RBBP8NL: variants seen among roughly 807,000 people sequenced by gnomAD.
RBBP8NL encodes the protein RBBP8 N-terminal-like protein.
A neutral mutation model predicts 62.2 loss-of-function variants in RBBP8NL; 59 were observed. The ratio of observed to expected loss-of-function variants is 0.95; its 90% confidence interval spans 0.77 to 1.18. The LOEUF (loss-of-function observed/expected upper bound fraction) is 1.18. Among genes scored for constraint, RBBP8NL ranks in the 50% most tolerant of loss-of-function variants. The pLI is 0.00. For synonymous variants in RBBP8NL, 412 were observed against 394.1 expected, an observed-to-expected ratio of 1.05 and a Z score of -0.54; for missense variants, 896 against 899.5, an observed-to-expected ratio of 1.00 and a Z score of 0.05.
intron 4 of RBBP8NL, 58 bp downstream of exon 4, chr20:62,417,166 C>A: frequency 1.5e-6 from 2 of 1,318,598 alleles, no homozygotes; most frequent in Non-Finnish European, 2.1e-6. Context: ...CCTGTCACCT[C>A]CTCCTCTCCT....
Position 62,412,766 on chromosome 20 carries a change from G to A in RBBP8NL, c.1747-13C>T. 1 of 1,612,850 alleles carries A rather than the reference G, an allele frequency of 6.2e-7. No individual in the cohort carries two copies. The highest frequency in any genetic ancestry group is 8.5e-7 in the Non-Finnish European group (1 of 1,179,994). On this transcript the variant is annotated splice_polypyrimidine_tract_variant and intron_variant, in intron 12 of 13. Coordinates refer to ENST00000252998, the MANE Select transcript of RBBP8NL (RefSeq NM_080833.3). Reference sequence around the variant, plus strand: ...AGCTCAGGCCCACCTGGGGAGAAGGGGGTGTGGTCACGAGGAGGACTGCCT... The same window carrying A: ...AGCTCAGGCCCACCTGGGGAGAAGGAGGTGTGGTCACGAGGAGGACTGCCT...
intron 2 of RBBP8NL, among the ~76,000 whole-genome samples, chr20:62,418,994 T>C (rs1415193634): frequency 6.6e-6 from 1 of 152,006 alleles, no homozygotes; most frequent in Non-Finnish European, 1.5e-5. Context: ...GGGGAGGTGC[T>C]GGCCCTGGGA....
intron 1 of RBBP8NL, among the ~76,000 whole-genome samples, chr20:62,423,777 G>A (rs750781319): frequency 4.6e-5 from 7 of 152,300 alleles, no homozygotes; most frequent in Non-Finnish European, 2.9e-5. Flanking sequence ...GGAGAGCTCC[G>A]GGGAAGGGAT....
chr20:62,417,647 T>C (rs1988605131), intron 3 of RBBP8NL, among the ~76,000 whole-genome samples: 1 of 97,010 alleles, frequency 1.0e-5, no homozygotes, highest in African/African-American at 4.5e-5. Context: ...CTCTGTGACG[T>C]CTGTCCCGTC....
At chr20:62,418,105 C>T (rs544676218) in intron 3 of RBBP8NL, among the ~76,000 whole-genome samples, 133 of 152,350 alleles carry the variant, frequency 8.7e-4, no homozygotes, top group Non-Finnish European at 1.4e-3. Flanking sequence ...CCTGCCCGCC[C>T]GCCAGTGTCT....
intron 1 of RBBP8NL, among the ~76,000 whole-genome samples, chr20:62,426,115 G>A (rs990655228): frequency 1.3e-5 from 2 of 151,940 alleles, no homozygotes; most frequent in African/African-American, 4.8e-5. Context: ...AGTGGCAGTG[G>A]CATTAGCAGT....
intron 10 of RBBP8NL, 56 bp from the exon 11 acceptor site, chr20:62,413,601 A>C (rs1036621014): frequency 2.7e-6 from 4 of 1,493,584 alleles, no homozygotes; most frequent in Non-Finnish European, 3.6e-6. Flanking sequence ...CTTGCCGCCA[A>C]CTCAGCCCTG....
chr20:62,415,709 G>A, intron 7 of RBBP8NL, 49 bp from the exon 8 acceptor site: 1 of 1,609,772 alleles, frequency 6.2e-7, no homozygotes, highest in Non-Finnish European at 8.5e-7. Flanking sequence ...GCTCAGAGGG[G>A]CAGCGGCCCA....
At chr20:62,413,599 C>T in intron 10 of RBBP8NL, 54 bp from the exon 11 acceptor site, 1 of 1,492,542 alleles carries the variant, frequency 6.7e-7, no homozygotes. Context: ...TCCTTGCCGC[C>T]AACTCAGCCC....
chr20:62,419,006 T>A (rs1333312302), intron 2 of RBBP8NL, among the ~76,000 whole-genome samples: 1 of 151,894 alleles, frequency 6.6e-6, no homozygotes, highest in East Asian at 1.9e-4. Flanking sequence ...GCCCTGGGAC[T>A]GGACTGGGGG....
At chr20:62,420,745 G>T (rs900025270) in intron 1 of RBBP8NL, among the ~76,000 whole-genome samples, 2 of 152,234 alleles carry the variant, frequency 1.3e-5, no homozygotes, top group African/African-American at 4.8e-5. Context: ...ATGCTGGAAG[G>T]TTCCAGGAAG....
Position 62,413,792 on chromosome 20 carries a change from C to T in RBBP8NL, c.1530+29G>A, listed in dbSNP as rs540691132. The T allele has an allele frequency of 4.6e-4, 719 of 1,559,624 alleles. 14 individuals carry two copies. The South Asian group carries it at 7.8e-3, about 17-fold the overall frequency. ...GGTGGGGGACGTGGAGGCTGAGGACCGGGTCTGAGCCAGGACCGGGCTCCT... is the reference window on the plus strand; with the variant it reads ...GGTGGGGGACGTGGAGGCTGAGGACTGGGTCTGAGCCAGGACCGGGCTCCT... On this transcript the variant is annotated intron_variant, in intron 10 of 13. Coordinates refer to ENST00000252998, the MANE Select transcript of RBBP8NL (RefSeq NM_080833.3).
chr20:62,417,391 C>CT lies in RBBP8NL; in HGVS notation c.105-73dup, dbSNP rs1302677607. The CT allele has an allele frequency of 1.9e-5, 24 of 1,237,802 alleles. No individual in the cohort carries two copies. The East Asian group carries it at 2.3e-4, about 12-fold the overall frequency. 76.7% of individuals were successfully genotyped at this position (1,237,802 alleles called of 1,614,324 possible). On this transcript the variant is annotated intron_variant, in intron 3 of 13. Coordinates refer to ENST00000252998, the MANE Select transcript of RBBP8NL (RefSeq NM_080833.3). ...CCACACGCTGTCCCCACCATCCAGC[C>CT]TGGGGGGGCAGCGCGATTCGGCACC...
Position 62,416,181 on chromosome 20 carries a change from C to T in RBBP8NL, c.369G>A (p.Lys123=), listed in dbSNP as rs1248489641. The T allele has an allele frequency of 6.2e-7, 1 of 1,612,886 alleles. No homozygotes were observed. Among genetic ancestry groups the T allele is most frequent in the African/African-American group, 1.3e-5 (1 of 74,966 alleles). Residue 123 remains lysine (K), a synonymous_variant, in exon 6 of 14, where the codon AAG becomes AAA. Coordinates refer to ENST00000252998, the MANE Select transcript of RBBP8NL (RefSeq NM_080833.3). Reference sequence around the variant, plus strand: ...CCACTCACCCCAGGCCCCGAAGCCGCTTCACCTCCTCCTTCAAGGTCTCGT... The same window carrying T: ...CCACTCACCCCAGGCCCCGAAGCCGTTTCACCTCCTCCTTCAAGGTCTCGT... ...EENETLKEEV[K]RLRGLGDRPK...
chr20:62,423,692 C>T (rs1044608667), intron 1 of RBBP8NL, among the ~76,000 whole-genome samples: 6 of 152,292 alleles, frequency 3.9e-5, no homozygotes, highest in South Asian at 4.1e-4. Context: ...GAGGCTGGGA[C>T]GGAGCCTCTG....
chr20:62,415,029 T>C, intron 9 of RBBP8NL, 92 bp downstream of exon 9: 1 of 1,293,394 alleles, frequency 7.7e-7, no homozygotes. Flanking sequence ...TTCAGGGCTG[T>C]GAGGGATAAT....
intron 8 of RBBP8NL, 90 bp from the exon 9 acceptor site, chr20:62,415,377 C>T (rs2146439299): frequency 2.8e-6 from 4 of 1,449,292 alleles, no homozygotes; most frequent in Non-Finnish European, 3.7e-6. Context: ...CCCTGGGCTG[C>T]TCCCACTCTG....
At position 62,415,898 on chromosome 20, in the gene RBBP8NL, G is replaced by A. The variant is rs1476526754; in HGVS notation, c.434C>T (p.Ser145Leu). Residue 145 changes from serine (S) to leucine (L), a missense_variant, in exon 7 of 14, where the codon TCA (serine) becomes TTA (leucine). Physicochemically the swap from Ser to Leu is moderately radical, Grantham distance 145 (BLOSUM62 -2). Transcript: ENST00000252998. Reference protein sequence around the residue: ...RAKEGTSDPPSPLLLPSPGGW... With the variant: ...RAKEGTSDPPLPLLLPSPGGW... ...ACCAGGGGAGGGGAGCAGCAGGGGTGAGGGGGGGTCCGAGGTGCCCTCCTT... is the reference window on the plus strand; with the variant it reads ...ACCAGGGGAGGGGAGCAGCAGGGGTAAGGGGGGGTCCGAGGTGCCCTCCTT... 7 of 1,596,536 alleles carry A rather than the reference G, an allele frequency of 4.4e-6. No homozygotes were observed. The South Asian group carries it at 4.5e-5, about 10-fold the overall frequency.
Position 62,413,929 on chromosome 20 carries a change from G to A in RBBP8NL, c.1422C>T (p.Ser474=). Residue 474 remains serine (S), a synonymous_variant, in exon 10 of 14, where the codon AGC becomes AGT. Transcript: ENST00000252998. The stretch of plus-strand genomic sequence containing the variant: ...GTCCGGACTGGGTGGGTGGCTCGGG[G>A]CTGGCAGTGTGGGCAGCGGCAGGGC... ...SLSPAAAHTA[S]PEPPTQSGPL... 2 of 1,591,100 alleles carry A rather than the reference G, an allele frequency of 1.3e-6. No individual in the cohort carries two copies. Among genetic ancestry groups the A allele is most frequent in the Non-Finnish European group, 1.7e-6 (2 of 1,169,654 alleles).
Sources: allele counts gnomAD v4.1 joint callset (sites outside exome capture counted in the v4.1 genomes callset), GRCh38; gene constraint gnomAD v4.1.1; transcripts MANE v1.5; gene names NCBI Gene and HGNC (gene_info 2026-07-23, HGNC 2026-07-21).